Variants in CHRND observed in about 807,000 individuals in gnomAD.
The protein encoded by CHRND is acetylcholine receptor subunit delta.
In CHRND, 40 loss-of-function variants were observed where a neutral mutation model predicts 57.8. That is an observed-to-expected ratio of 0.69 (90% CI 0.54 to 0.90). CHRND has a LOEUF of 0.90. CHRND is among the 40% of genes least tolerant of loss of function. The pLI is 0.00. For missense variants in CHRND, 634 were observed against 673.9 expected, an observed-to-expected ratio of 0.94 and a Z score of 0.66; for synonymous variants, 237 against 270.6, an observed-to-expected ratio of 0.88 and a Z score of 1.22.
rs1691812923 is a variant in CHRND, at chr2:232,534,279, G to A, written c.1308G>A (p.Lys436=). Reference sequence around the variant, plus strand: ...AGCAGGAACTCTTCAATGAGCTGAAGCCAGCTGTGGATGGGGCAAACTTCA... The same window carrying A: ...AGCAGGAACTCTTCAATGAGCTGAAACCAGCTGTGGATGGGGCAAACTTCA... The part of the protein sequence containing the change: ...QAQQELFNEL[K]PAVDGANFIV... Residue 436 remains lysine, a synonymous_variant, in exon 11 of 12, where the codon AAG becomes AAA. Coordinates refer to ENST00000258385, the MANE Select transcript of CHRND (RefSeq NM_000751.3). 1.9e-6 allele frequency: 3 copies of A among 1,614,096 alleles called. No individual in the cohort carries two copies. The Admixed American group carries it at 5.0e-5, about 27-fold the overall frequency.
At chr2:232,526,414 G>A in intron 1 of CHRND, 115 bp from the exon 2 acceptor site, 1 of 1,563,778 alleles carries the variant, frequency 6.4e-7, no homozygotes, top group South Asian at 1.1e-5. Context: ...CCAGGGAGTG[G>A]TTGGGTTCCC....
At chr2:232,528,431 C>T (rs1691562222) in intron 4 of CHRND, 60 bp downstream of exon 4, 1 of 1,613,718 alleles carries the variant, frequency 6.2e-7, no homozygotes, top group Non-Finnish European at 8.5e-7. Context: ...CTTAAGCCTC[C>T]TCTGCCTCCC....
Position 232,535,648 on chromosome 2 carries a change from C to T in CHRND, c.*336C>T, listed in dbSNP as rs2697799. The stretch of plus-strand genomic sequence containing the variant: ...TGAGACAGATAGGGCCCCTTCTCTG[C>T]TTCTCCTCCCCCAAGGTGTGGGGTA... On this transcript the variant is annotated 3_prime_UTR_variant, in exon 12 of 12. Transcript: ENST00000258385. 1 of 510,836 alleles carries T rather than the reference C, an allele frequency of 2.0e-6. No homozygotes were observed. Among genetic ancestry groups the T allele is most frequent in the South Asian group, 1.5e-5 (1 of 64,692 alleles). 31.6% of individuals were successfully genotyped at this position (510,836 alleles called of 1,614,324 possible). A position where few individuals can be genotyped will look rare whatever the true frequency, so the allele number is the denominator to read the frequency against.
Position 232,534,354 on chromosome 2 carries a change from C to T in CHRND, c.1371+12C>T, listed in dbSNP as rs1167848284. On this transcript the variant is annotated intron_variant, in intron 11 of 11. Transcript: ENST00000258385. ...ACAATTACAATGAGGTAAGGGACCA[C>T]AGGATTGCCATGTACAGGTGTTCAA... is the stretch of plus-strand genomic sequence containing the variant. 6.2e-7 allele frequency: 1 copy of T among 1,610,544 alleles called. No individual in the cohort carries two copies. The highest frequency in any genetic ancestry group is 2.2e-5 in the East Asian group (1 of 44,858).
At chr2:232,530,896 G>A (rs1262865700) in intron 7 of CHRND, among the ~76,000 whole-genome samples, 1 of 152,198 alleles carries the variant, frequency 6.6e-6, no homozygotes, top group Non-Finnish European at 1.5e-5. Context: ...CACTGGGCTG[G>A]GGTCTCTGAG....
chr2:232,535,376 C>T lies in CHRND; in HGVS notation c.*64C>T. The T allele has an allele frequency of 1.3e-6, 2 of 1,580,928 alleles. No individual in the cohort carries two copies. Among genetic ancestry groups the T allele is most frequent in the Non-Finnish European group, 1.7e-6 (2 of 1,160,586 alleles). On this transcript the variant is annotated 3_prime_UTR_variant, in exon 12 of 12. Transcript: ENST00000258385. ...AGAGAGGAGCCACAGTCCCTAATGA[C>T]ACCCACTCCTAGCCCTGAGGCTCGT...
At chr2:232,534,180 G>T in intron 10 of CHRND, 44 bp from the exon 11 acceptor site, 2 of 1,614,068 alleles carry the variant, frequency 1.2e-6, no homozygotes, top group Non-Finnish European at 1.7e-6. Flanking sequence ...TGTGGGAGGT[G>T]GGTGGAGGCA....
At position 232,531,447 on chromosome 2, in the gene CHRND, A is replaced by G. The variant is rs1328613188; in HGVS notation, c.916A>G (p.Ile306Val). Residue 306 changes from isoleucine to valine, a missense_variant, in exon 8 of 12, where the codon ATC becomes GTC. Ile to Val is a conservative substitution (Grantham distance 29, BLOSUM62 3). Transcript: ENST00000258385. ...SKRLPATSMA[I>V]PLIGKFLLFG... is the part of the protein sequence containing the mutation. The stretch of plus-strand genomic sequence containing the variant: ...GCGTCTGCCTGCCACATCCATGGCC[A>G]TCCCCCTTATCGGCAAGTGAGTGAC... 1 of 1,613,854 alleles carries G rather than the reference A, an allele frequency of 6.2e-7. No individual in the cohort carries two copies. The highest frequency in any genetic ancestry group is 1.1e-5 in the South Asian group (1 of 91,046).
At chr2:232,531,201 G>T in intron 7 of CHRND, 151 bp from the exon 8 acceptor site, 1 of 700,148 alleles carries the variant, frequency 1.4e-6, no homozygotes. Context: ...AGGCACTCTA[G>T]CTCCATAACC....
intron 6 of CHRND, 134 bp downstream of exon 6, chr2:232,529,105 G>T (rs561193236): frequency 8.5e-6 from 6 of 706,388 alleles, no homozygotes; most frequent in Middle Eastern, 3.3e-4. Context: ...CCTCACACAC[G>T]CAGCTAGACA....
intron 11 of CHRND, 58 bp from the exon 12 acceptor site, chr2:232,535,072 G>T (rs1691834850): frequency 6.2e-7 from 1 of 1,600,778 alleles, no homozygotes; most frequent in South Asian, 1.1e-5. Flanking sequence ...CCAGCTTGGG[G>T]GTGGGGCTTT....
At position 232,527,475 on chromosome 2, in the gene CHRND, T is replaced by C. The variant is rs778760141; in HGVS notation, c.243+30T>C. On this transcript the variant is annotated intron_variant, in intron 3 of 11. Coordinates refer to ENST00000258385, the MANE Select transcript of CHRND (RefSeq NM_000751.3). The stretch of plus-strand genomic sequence containing the variant: ...GAATGCCCCTCCCAGCCGGGCGCAG[T>C]GGCTCATGCCTGTAATCCCAGCACT... The C allele has an allele frequency of 1.9e-6, 3 of 1,584,984 alleles. No individual in the cohort carries two copies. The South Asian group carries it at 3.3e-5, about 18-fold the overall frequency.
At chr2:232,529,809 C>T (rs779183344) in intron 6 of CHRND, 130 bp from the exon 7 acceptor site, 5 of 899,204 alleles carry the variant, frequency 5.6e-6, no homozygotes, top group East Asian at 5.1e-5. Flanking sequence ...CACCCACCAA[C>T]GGGACCCCGT....
At position 232,535,659 on chromosome 2, in the gene CHRND, C is replaced by G. The variant is rs1040765270; in HGVS notation, c.*347C>G. On this transcript the variant is annotated 3_prime_UTR_variant, in exon 12 of 12. Transcript: ENST00000258385. ...GGGCCCCTTCTCTGCTTCTCCTCCCCCAAGGTGTGGGGTAGAGCAGGCAGG... is the reference window on the plus strand; with the variant it reads ...GGGCCCCTTCTCTGCTTCTCCTCCCGCAAGGTGTGGGGTAGAGCAGGCAGG... 1.0e-5 allele frequency: 5 copies of G among 496,990 alleles called. No individual in the cohort carries two copies. Among genetic ancestry groups the G allele is most frequent in the East Asian group, 5.7e-5 (1 of 17,686 alleles). The allele number at this position is 496,990 out of a possible 1,614,324, so 30.8% of individuals were successfully genotyped here. A position where few individuals can be genotyped will look rare whatever the true frequency, so the allele number is the denominator to read the frequency against.
rs1390648466 is a variant in CHRND at position 232,526,611 on chromosome 2, G to A, written c.135G>A (p.Val45=). ...EKGYNKELRP[V]AHKEESVDVA... is the part of the protein sequence containing the mutation. ...GCTACAACAAGGAGCTCCGGCCCGT[G>A]GCACACAAAGAGGAGAGTGTGGACG... The change falls in exon 2 of 12, where the codon GTG becomes GTA. Residue 45 remains valine (V), a synonymous_variant. Transcript: ENST00000258385. 2.5e-6 allele frequency: 4 copies of A among 1,613,836 alleles called. No homozygotes were observed. The Admixed American group carries it at 5.0e-5, about 20-fold the overall frequency.
intron 6 of CHRND, among the ~76,000 whole-genome samples, chr2:232,529,283 G>A (rs1020043351): frequency 6.6e-6 from 1 of 152,174 alleles, no homozygotes; most frequent in Admixed American, 6.5e-5. Context: ...TGGCTGACAG[G>A]GGTTTAGTCT....
chr2:232,536,011 G>A lies in CHRND; in HGVS notation c.*699G>A, dbSNP rs562688285. 1.3e-5 allele frequency: 6 copies of A among 454,038 alleles called. No homozygotes were observed. The highest frequency in any genetic ancestry group is 7.8e-5 in the South Asian group (5 of 64,474). The allele number at this position is 454,038 out of a possible 1,614,324, so 28.1% of individuals were successfully genotyped here. A position where few individuals can be genotyped will look rare whatever the true frequency, so the allele number is the denominator to read the frequency against. Reference sequence around the variant, plus strand: ...CAGCACCTACTCCTCTCCAAATTAGGGTTGTCATGCATTATTTGGGGCATA... The same window carrying A: ...CAGCACCTACTCCTCTCCAAATTAGAGTTGTCATGCATTATTTGGGGCATA... On this transcript the variant is annotated 3_prime_UTR_variant, in exon 12 of 12. Coordinates refer to ENST00000258385, the MANE Select transcript of CHRND (RefSeq NM_000751.3).
At chr2:232,531,946 C>CAAAAAA (rs778006115) in intron 9 of CHRND, among the ~76,000 whole-genome samples, 30 of 46,066 alleles carry the variant, frequency 6.5e-4, no homozygotes, top group African/African-American at 1.4e-3. Flanking sequence ...GACCTTGTCT[C>CAAAAAA]AAAAAAAAAA....
chr2:232,526,222 G>A lies in CHRND; in HGVS notation c.7G>A (p.Gly3Arg). The A allele has an allele frequency of 6.2e-7, 1 of 1,612,792 alleles. No individual in the cohort carries two copies. Among genetic ancestry groups the A allele is most frequent in the Non-Finnish European group, 8.5e-7 (1 of 1,179,174 alleles). The change falls in exon 1 of 12, where the codon GGG becomes AGG. Residue 3 changes from glycine (G) to arginine (R), a missense_variant. Physicochemically the swap from Gly to Arg is moderately radical, Grantham distance 125 (BLOSUM62 -2). Transcript: ENST00000258385. ME[G>R]PVLTLGLLAA... Reference sequence around the variant, plus strand: ...TCCCAGTCAGAGGGATGGGATGGAGGGGCCAGTGCTGACACTGGGGCTGCT... The same window carrying A: ...TCCCAGTCAGAGGGATGGGATGGAGAGGCCAGTGCTGACACTGGGGCTGCT...
Sources: gnomAD v4.1 joint callset for allele counts (sites outside exome capture counted in the v4.1 genomes callset) on GRCh38, gnomAD v4.1.1 for gene constraint, MANE v1.5 for transcripts, NCBI Gene and HGNC (gene_info 2026-07-23, HGNC 2026-07-21) for gene names.